Variants in LRRC7 observed in about 807,000 individuals in gnomAD.
LRRC7 encodes leucine rich repeat containing 7.
In LRRC7, 23 loss-of-function variants were observed where a neutral mutation model predicts 175.7. That is an observed-to-expected ratio of 0.13 (90% CI 0.09 to 0.19). LRRC7 has a LOEUF of 0.19. Ranked by LOEUF, LRRC7 falls within the 10% of genes least tolerant of loss-of-function variation. LRRC7 has a pLI of 1.00. For synonymous variants in LRRC7, 685 were observed against 680.9 expected (o/e 1.01, Z -0.09); for missense variants, 1,354 against 1,904.7 (o/e 0.71, Z 5.38).
intron 5 of LRRC7, among the ~76,000 whole-genome samples, chr1:69,829,471 A>G (rs1680293755): frequency 1.3e-5 from 2 of 151,948 alleles, no homozygotes; most frequent in South Asian, 4.1e-4. Context: ...CACTAGGGAC[A>G]TTCTAATTCT....
intron 2 of LRRC7, among the ~76,000 whole-genome samples, chr1:69,713,603 G>C (rs1486169113): frequency 6.6e-6 from 1 of 151,956 alleles, no homozygotes; most frequent in Admixed American, 6.6e-5. Context: ...TCTGATTCCT[G>C]TTTTCTAAGT....
rs1352369962 is a variant in LRRC7 at position 70,133,355 on chromosome 1, G to A, written c.*11468G>A. Among the ~76,000 whole-genome samples, 1 of 152,010 alleles carries A rather than the reference G, an allele frequency of 6.6e-6. No homozygotes were observed. Among genetic ancestry groups the A allele is most frequent in the Non-Finnish European group, 1.5e-5 (1 of 67,996 alleles). ...CCTGCCTCAGCCTCCCGAGTAGCTG[G>A]GACTACAGGCATGCACCACCACGCC... On this transcript the variant is annotated 3_prime_UTR_variant, in exon 27 of 27. Coordinates refer to ENST00000651989, the MANE Select transcript of LRRC7 (RefSeq NM_001370785.2).
intron 8 of LRRC7, among the ~76,000 whole-genome samples, chr1:69,937,113 CTAAT>C (rs1475213643): frequency 6.6e-6 from 1 of 152,062 alleles, no homozygotes; most frequent in African/African-American, 2.4e-5. Flanking sequence ...TTCTATGTAA[CTAAT>C]CAAATAGCCT....
rs1646771311 is a variant in LRRC7 at position 69,594,741 on chromosome 1, A to G, written c.2+26100A>G. ...ATCTTAACTGATCTCTCTGCCACTC[A>G]TATTTTTCCCCTCCAAGTCATAGTC... On this transcript the variant is annotated intron_variant, in intron 1 of 26. Transcript: ENST00000651989. 2.0e-5 allele frequency among the ~76,000 whole-genome samples: 3 copies of G among 152,102 alleles called. No homozygotes were observed. In the South Asian group the frequency reaches 6.2e-4, roughly 32 times the overall value.
chr1:70,138,742 C>T lies in LRRC7; in HGVS notation c.*16855C>T, dbSNP rs990172828. 2 of 152,150 alleles carry T rather than the reference C, an allele frequency of 1.3e-5. No individual in the cohort carries two copies. Among genetic ancestry groups the T allele is most frequent in the South Asian group, 2.1e-4 (1 of 4,824 alleles). The allele number at this position is 152,150 out of a possible 1,614,324, so 9.4% of individuals were successfully genotyped here. On this transcript the variant is annotated 3_prime_UTR_variant, in exon 27 of 27. Transcript: ENST00000651989. ...ATTAAATACAGTAGTATCTGGTGGC[C>T]TTTCTGTGTGGAGGAGCTCGTTTGT...
intron 7 of LRRC7, among the ~76,000 whole-genome samples, chr1:69,900,673 A>G (rs1425007724): frequency 4.6e-5 from 7 of 152,194 alleles, no homozygotes; most frequent in African/African-American, 1.4e-4. Flanking sequence ...TTCAAAATCC[A>G]AATTCTGAAA....
At chr1:70,100,854 G>GA (rs1664756150) in intron 25 of LRRC7, among the ~76,000 whole-genome samples, 2 of 151,904 alleles carry the variant, frequency 1.3e-5, no homozygotes, top group African/African-American at 4.8e-5. Flanking sequence ...CACTTCTCTT[G>GA]ATGCATATAA....
intron 2 of LRRC7, among the ~76,000 whole-genome samples, chr1:69,698,819 A>G (rs1255097203): frequency 1.3e-5 from 2 of 152,174 alleles, no homozygotes; most frequent in Non-Finnish European, 2.9e-5. Flanking sequence ...CATGGTCTCA[A>G]TGTTGTTGTT....
chr1:69,865,246 A>G lies in LRRC7; in HGVS notation c.647+26963A>G, dbSNP rs565840043. On this transcript the variant is annotated intron_variant, in intron 7 of 26. Coordinates refer to ENST00000651989, the MANE Select transcript of LRRC7 (RefSeq NM_001370785.2). ...GAGGCTTCAGTTGACAAGATGGTCA[A>G]TACGACATCTGCACAACATGCAGCC... 1.8e-4 allele frequency among the ~76,000 whole-genome samples: 27 copies of G among 152,198 alleles called. No individual in the cohort carries two copies. The East Asian group carries it at 5.3e-3, about 30-fold the overall frequency.
chr1:70,020,801 G>A (rs887661145), intron 15 of LRRC7: 2 of 332,614 alleles, frequency 6.0e-6, no homozygotes, highest in African/African-American at 4.4e-5. Context: ...CTGAATTTGA[G>A]TTAAGATTAC....
chr1:69,884,797 C>T (rs968359847), intron 7 of LRRC7, among the ~76,000 whole-genome samples: 5 of 146,174 alleles, frequency 3.4e-5, no homozygotes, highest in African/African-American at 1.3e-4. Context: ...CCCATCAATA[C>T]CTAATTTATT....
At chr1:69,916,250 A>T in intron 7 of LRRC7, among the ~76,000 whole-genome samples, 1 of 131,178 alleles carries the variant, frequency 7.6e-6, no homozygotes, top group South Asian at 2.2e-4. Context: ...TATATAAAAT[A>T]AAAATATAAA....
intron 8 of LRRC7, among the ~76,000 whole-genome samples, chr1:69,968,470 C>G (rs190645951): frequency 6.6e-6 from 1 of 152,242 alleles, no homozygotes; most frequent in East Asian, 1.9e-4. Flanking sequence ...AAATTCATCA[C>G]AAAGAGATCA....
chr1:70,118,096 C>T (rs2102237542), intron 26 of LRRC7, among the ~76,000 whole-genome samples: 1 of 151,500 alleles, frequency 6.6e-6, no homozygotes, highest in African/African-American at 2.4e-5. Context: ...CACACACGCA[C>T]ACGAACAAAA....
chr1:69,691,797 C>CAAAAAAAAAAAA (rs57676937), intron 2 of LRRC7, among the ~76,000 whole-genome samples: 34 of 85,180 alleles, frequency 4.0e-4, no homozygotes, highest in African/African-American at 6.4e-4. Context: ...GACCCTGTCT[C>CAAAAAAAAAAAA]AAAAAAAAAA....
chr1:69,620,006 T>C (rs1197773886), intron 1 of LRRC7, among the ~76,000 whole-genome samples: 2 of 152,174 alleles, frequency 1.3e-5, no homozygotes, highest in East Asian at 3.8e-4. Context: ...CAAGAAACAA[T>C]GAACTTTTGT....
At chr1:69,812,632 A>C (rs1480505691) in intron 4 of LRRC7, among the ~76,000 whole-genome samples, 2 of 152,164 alleles carry the variant, frequency 1.3e-5, no homozygotes, top group South Asian at 4.1e-4. Flanking sequence ...TCTTTATTTC[A>C]TATGAGAGGT....
chr1:70,018,811 T>A lies in LRRC7; in HGVS notation c.1413T>A (p.Gly471=). 2.5e-6 allele frequency: 4 copies of A among 1,610,390 alleles called. No homozygotes were observed. Among genetic ancestry groups the A allele is most frequent in the Non-Finnish European group, 3.4e-6 (4 of 1,177,128 alleles). ...ACATGTTTCCCCAGCAGCCTCGTGG[T>A]GATGAAGGTAAATTGTCAGTAGAAA... The part of the protein sequence containing the change: ...TNYMFPQQPR[G]DEDFQSDSDS... The change falls in exon 15 of 27, where the codon GGT becomes GGA. Residue 471 remains glycine (G), a synonymous_variant. Transcript: ENST00000651989.
chr1:70,008,718 C>T (rs1342353802), intron 11 of LRRC7, among the ~76,000 whole-genome samples: 1 of 152,120 alleles, frequency 6.6e-6, no homozygotes, highest in Non-Finnish European at 1.5e-5. Flanking sequence ...AGAGCATTAT[C>T]CAATAGTTGT....
Sources: allele counts gnomAD v4.1 joint callset (sites outside exome capture counted in the v4.1 genomes callset), GRCh38; gene constraint gnomAD v4.1.1; transcripts MANE v1.5; gene names NCBI Gene and HGNC (gene_info 2026-07-23, HGNC 2026-07-21).